Variants in LRP2 observed in about 807,000 individuals in gnomAD.
LRP2 encodes low-density lipoprotein receptor-related protein 2.
A neutral mutation model predicts 531.0 loss-of-function variants in LRP2; 172 were observed. The ratio of observed to expected loss-of-function variants is 0.32; its 90% CI spans 0.29 to 0.37. LRP2 has a LOEUF of 0.37. Ranked by LOEUF, LRP2 falls within the 10% of genes least tolerant of loss-of-function variation. LRP2 has a pLI of 1.00. For missense variants in LRP2, 5,167 were observed against 5,868.3 expected (o/e 0.88, Z 3.90); for synonymous variants, 1,992 against 2,027.6 (o/e 0.98, Z 0.47).
At chr2:169,226,155 C>G (rs1574153129) in intron 32 of LRP2, among the ~76,000 whole-genome samples, 2 of 152,176 alleles carry the variant, frequency 1.3e-5, no homozygotes, top group Non-Finnish European at 1.5e-5. Context: ...AAATCATAGG[C>G]ACTTCTGGAA....
Position 169,209,574 on chromosome 2 carries a change from G to A in LRP2, c.6348C>T (p.Ser2116=), listed in dbSNP as rs1688521878. 2 of 1,613,990 alleles carry A rather than the reference G, an allele frequency of 1.2e-6. No individual in the cohort carries two copies. The highest frequency in any genetic ancestry group is 8.5e-7 in the Non-Finnish European group (1 of 1,180,014). Residue 2116 remains serine (S), a synonymous_variant, in exon 38 of 79, where the codon AGC becomes AGT. Transcript: ENST00000649046. ...GGATCGCATTATCAGATGCCACTGA[G>A]CTGCTAAAATCACACCAATAAATAA... is the stretch of plus-strand genomic sequence containing the variant. The part of the protein sequence containing the change: ...SGFIYWCDFS[S]SVASDNAIRR...
At position 169,201,685 on chromosome 2, in the gene LRP2, T is replaced by C; in HGVS notation, c.8395A>G (p.Ile2799Val). 1 of 1,614,206 alleles carries C rather than the reference T, an allele frequency of 6.2e-7. No homozygotes were observed. The highest frequency in any genetic ancestry group is 8.5e-7 in the Non-Finnish European group (1 of 1,180,022). ...TGGCAGTTGTCTACACCATTGCAGA[T>C]AAACTCACGAGGTATGCACCTTCTG... ...NNRRCIPREF[I>V]CNGVDNCHDN... is the part of the protein sequence containing the mutation. Residue 2799 changes from isoleucine (I) to valine (V), a missense_variant, in exon 44 of 79, where the codon ATC becomes GTC. Around this residue, in one of 6 missense-constraint regions of LRP2, gnomAD observed 1,129 missense variants for 1,362.7 expected, o/e 0.83. Coordinates refer to ENST00000649046, the MANE Select transcript of LRP2 (RefSeq NM_004525.3).
At chr2:169,247,032 T>C in intron 20 of LRP2, 46 bp from the exon 21 acceptor site, 1 of 1,603,876 alleles carries the variant, frequency 6.2e-7, no homozygotes. Context: ...ACATTTTCAC[T>C]AGGTAGGTCA....
At chr2:169,272,632 A>G (rs2105440130) in intron 15 of LRP2, among the ~76,000 whole-genome samples, 1 of 152,284 alleles carries the variant, frequency 6.6e-6, no homozygotes, top group African/African-American at 2.4e-5. Flanking sequence ...ATCATAGTTA[A>G]TAGGAGAAAA....
chr2:169,188,151 G>A lies in LRP2; in HGVS notation c.9147C>T (p.Phe3049=), dbSNP rs146115458. Residue 3049 remains phenylalanine, a synonymous_variant, in exon 49 of 79, where the codon TTC becomes TTT. Transcript: ENST00000649046. ...CQNGRCISKT[F]VCDEDNDCGD... ...CACAGTCATTATCCTCATCACAGAC[G>A]AAGGTTTTACTAATGCAGCGCCCGT... 2.9e-4 allele frequency: 465 copies of A among 1,614,070 alleles called. 2 individuals are homozygous for A. The African/African-American group carries it at 4.8e-3, about 17-fold the overall frequency.
In LRP2 at chr2:169,243,526, ATG is replaced by A. The variant is rs763252487; in HGVS notation, c.3431-6_3431-5del. On this transcript the variant is annotated splice_polypyrimidine_tract_variant and splice_region_variant and intron_variant, in intron 22 of 78. Coordinates refer to ENST00000649046, the MANE Select transcript of LRP2 (RefSeq NM_004525.3). ...GGTTGGCATGTCTCTGTCGAATCTA[ATG>A]TCATCCGAAAACAAAACCAACAAGT... The A allele has an allele frequency of 5.1e-5, 83 of 1,613,912 alleles. No individual in the cohort carries two copies. In the African/African-American group the frequency reaches 1.0e-3, roughly 20 times the overall value.
At chr2:169,265,901 A>C (rs1017798067) in intron 16 of LRP2, among the ~76,000 whole-genome samples, 1 of 151,998 alleles carries the variant, frequency 6.6e-6, no homozygotes, top group African/African-American at 2.4e-5. Context: ...GGAACACAGG[A>C]TAGGGGTCTC....
chr2:169,237,493 C>T (rs893638435), intron 27 of LRP2, among the ~76,000 whole-genome samples: 1 of 152,168 alleles, frequency 6.6e-6, no homozygotes, highest in Admixed American at 6.5e-5. Flanking sequence ...TCACACTGAA[C>T]ATTCTAAGAT....
At chr2:169,237,338 C>T in intron 27 of LRP2, 51 bp from the exon 28 acceptor site, 1 of 1,280,402 alleles carries the variant, frequency 7.8e-7, no homozygotes, top group Non-Finnish European at 1.1e-6. Context: ...TAAATGAATG[C>T]AAACATGGAT....
Position 169,128,597 on chromosome 2 carries a change from C to T in LRP2, c.*66G>A. The T allele has an allele frequency of 1.3e-6, 2 of 1,495,654 alleles. No individual in the cohort carries two copies. Among genetic ancestry groups the T allele is most frequent in the East Asian group, 2.3e-5 (1 of 44,282 alleles). 92.6% of individuals were successfully genotyped at this position (1,495,654 alleles called of 1,614,324 possible). ...TAAAGTACTGAATGTTAACTTTTTT[C>T]ATCTGTTTGTAAAAAATATATGTGC... On this transcript the variant is annotated 3_prime_UTR_variant, in exon 79 of 79. Transcript: ENST00000649046.
chr2:169,201,813 T>A lies in LRP2; in HGVS notation c.8267A>T (p.Tyr2756Phe). The change falls in exon 44 of 79, where the codon TAC (tyrosine) becomes TTC (phenylalanine). Residue 2756 changes from tyrosine (Y) to phenylalanine (F), a missense_variant. Physicochemically the swap from Tyr to Phe is conservative, Grantham distance 22 (BLOSUM62 3). Transcript: ENST00000649046. ...ATTGTAGTAATCACAGCGGTAAGAG[T>A]ATTGGACACATCGCCCATTGGCACA... ...FTCANGRCVQYSYRCDYYNDC... is the reference protein window; with the variant it reads ...FTCANGRCVQFSYRCDYYNDC... 6.2e-7 allele frequency: 1 copy of A among 1,614,098 alleles called. No individual in the cohort carries two copies. The highest frequency in any genetic ancestry group is 8.5e-7 in the Non-Finnish European group (1 of 1,180,006).
chr2:169,192,066 T>C, intron 47 of LRP2, 33 bp from the exon 48 acceptor site: 1 of 1,572,176 alleles, frequency 6.4e-7, no homozygotes, highest in Non-Finnish European at 8.7e-7. Flanking sequence ...TCAGAAAGCA[T>C]GAGAGCTCAG....
At chr2:169,270,470 A>G (rs6719945) in intron 16 of LRP2, among the ~76,000 whole-genome samples, 128,939 of 151,774 alleles carry the variant, frequency 0.85, 55,355 homozygotes, top group East Asian at 0.97. Context: ...CATGGATGAA[A>G]TTGGAAATCA....
At position 169,138,706 on chromosome 2, in the gene LRP2, G is replaced by A. The variant is rs1214341254; in HGVS notation, c.13389C>T (p.Ser4463=). 6.2e-7 allele frequency: 1 copy of A among 1,613,790 alleles called. No individual in the cohort carries two copies. The highest frequency in any genetic ancestry group is 1.3e-5 in the African/African-American group (1 of 74,902). Residue 4463 remains serine (S), a splice_region_variant and synonymous_variant, in exon 75 of 79, where the codon AGC becomes AGT. Transcript: ENST00000649046. ...CAGAGGGCTTGACGAGACTGCTTAA[G>A]CTGGAAAGAAGTAACCAAAACAGTG... is the stretch of plus-strand genomic sequence containing the variant. ...SLLPALPKLP[S]LSSLVKPSEN... is the part of the protein sequence containing the mutation.
intron 4 of LRP2, among the ~76,000 whole-genome samples, chr2:169,304,019 T>C (rs1349469477): frequency 6.6e-6 from 1 of 152,232 alleles, no homozygotes; most frequent in African/African-American, 2.4e-5. Context: ...TACATATTCG[T>C]ATCCTGCCAG....
intron 16 of LRP2, among the ~76,000 whole-genome samples, chr2:169,261,490 A>G (rs1054678951): frequency 1.3e-5 from 2 of 150,234 alleles, no homozygotes; most frequent in African/African-American, 2.5e-5. Flanking sequence ...ATTTCTGACA[A>G]CTCATTTCCT....
At chr2:169,293,122 C>A (rs1044074188) in intron 6 of LRP2, among the ~76,000 whole-genome samples, 5 of 152,080 alleles carry the variant, frequency 3.3e-5, no homozygotes, top group Non-Finnish European at 7.3e-5. Context: ...TTAACAACAC[C>A]CTAAGGCATG....
chr2:169,163,705 T>C (rs1274992442), intron 62 of LRP2, among the ~76,000 whole-genome samples: 2 of 152,042 alleles, frequency 1.3e-5, no homozygotes, highest in African/African-American at 4.8e-5. Flanking sequence ...ACTATGACTG[T>C]TTGAGACTTG....
In LRP2 at chr2:169,213,754, C is replaced by T. The variant is rs990116350; in HGVS notation, c.5943G>A (p.Glu1981=). ...SFLYYTDEQY[E]VIERVDKATG... Reference sequence around the variant, plus strand: ...TGGCCTTATCAACTCTTTCAATGACCTCATACTGTTCATCAGTATAATAAA... The same window carrying T: ...TGGCCTTATCAACTCTTTCAATGACTTCATACTGTTCATCAGTATAATAAA... The change falls in exon 36 of 79, where the codon GAG becomes GAA. Residue 1981 remains glutamate, a synonymous_variant. Coordinates refer to ENST00000649046, the MANE Select transcript of LRP2 (RefSeq NM_004525.3). 2 of 1,612,710 alleles carry T rather than the reference C, an allele frequency of 1.2e-6. No homozygotes were observed. The highest frequency in any genetic ancestry group is 1.1e-5 in the South Asian group (1 of 91,058).
Sources: gnomAD v4.1 joint callset for allele counts (sites outside exome capture counted in the v4.1 genomes callset) on GRCh38, gnomAD v4.1.1 for gene constraint, gnomAD v4.1.1 regional missense constraint, MANE v1.5 for transcripts, NCBI Gene and HGNC (gene_info 2026-07-23, HGNC 2026-07-21) for gene names.